MEGF6: variants seen among roughly 807,000 people sequenced by gnomAD.
The protein encoded by MEGF6 is multiple epidermal growth factor-like domains protein 6.
Under a neutral mutation model 207.1 loss-of-function variants are expected in MEGF6, and 184 were observed. The observed-to-expected ratio is 0.89, with a 90% CI of 0.79 to 1.00. MEGF6 has a LOEUF of 1.00. Ranked by LOEUF, MEGF6 falls within the 50% of genes least tolerant of loss-of-function variation. The pLI, the probability that MEGF6 is intolerant of heterozygous loss-of-function variation, is 0.00. For missense variants in MEGF6, 2,282 were observed against 2,202.9 expected, an observed-to-expected ratio of 1.04 and a Z score of -0.72; for synonymous variants, 1,038 against 910.0, an observed-to-expected ratio of 1.14 and a Z score of -2.53.
chr1:3,505,610 G>T (rs1641086261), intron 15 of MEGF6, 54 bp from the exon 16 acceptor site: 2 of 1,489,764 alleles, frequency 1.3e-6, no homozygotes, highest in Admixed American at 2.2e-5. Flanking sequence ...CACCCTCCCA[G>T]ACCGCTTCCA....
rs1640282360 is a variant in MEGF6, at chr1:3,489,877, CCACA to C, written c.*647_*650del. The C allele has an allele frequency of 6.6e-6, 1 of 152,334 alleles. No individual in the cohort carries two copies. The highest frequency in any genetic ancestry group is 6.5e-5 in the Admixed American group (1 of 15,284). The allele number at this position is 152,334 out of a possible 1,614,324, so 9.4% of individuals were successfully genotyped here. Reference sequence around the variant, plus strand: ...TGCTGGCCGGGCCCCAGGGAGGAGCCCACACAGAGTCCACGTAACACAGCAAACA... The same window carrying C: ...TGCTGGCCGGGCCCCAGGGAGGAGCCCAGAGTCCACGTAACACAGCAAACA... On this transcript the variant is annotated 3_prime_UTR_variant, in exon 37 of 37. Coordinates refer to ENST00000356575, the MANE Select transcript of MEGF6 (RefSeq NM_001409.4).
intron 4 of MEGF6, among the ~76,000 whole-genome samples, chr1:3,566,284 C>T (rs1643341403): frequency 1.3e-5 from 2 of 152,216 alleles, no homozygotes; most frequent in South Asian, 2.1e-4. Context: ...CGCAGCCCCT[C>T]GCTTGCAGAG....
intron 4 of MEGF6, among the ~76,000 whole-genome samples, chr1:3,552,339 G>C (rs952446517): frequency 9.2e-5 from 14 of 152,234 alleles, no homozygotes; most frequent in Admixed American, 9.2e-4. Context: ...GCTGCCTGGG[G>C]CTGCGCCTGA....
the MEGF6 span, among the ~76,000 whole-genome samples, chr1:3,616,592 G>A: frequency 0.018 from 2,741 of 151,882 alleles, 48 homozygotes; most frequent in South Asian, 0.05. Flanking sequence ...GGTGAGAGAC[G>A]GGGTGGGAGT....
intron 17 of MEGF6, among the ~76,000 whole-genome samples, chr1:3,502,219 GGGA>G (rs1640933569): frequency 6.6e-6 from 1 of 152,116 alleles, no homozygotes; most frequent in Non-Finnish European, 1.5e-5. Context: ...GCTGACGGAT[GGGA>G]GGAGAGGGGA....
chr1:3,557,217 G>C (rs1251231354), intron 4 of MEGF6, among the ~76,000 whole-genome samples: 3 of 152,250 alleles, frequency 2.0e-5, no homozygotes, highest in Non-Finnish European at 4.4e-5. Context: ...AGCCCAGGGA[G>C]ACCTGAGCTG....
intron 4 of MEGF6, among the ~76,000 whole-genome samples, chr1:3,577,661 C>A (rs911347475): frequency 6.6e-6 from 1 of 152,184 alleles, no homozygotes; most frequent in Admixed American, 6.5e-5. Flanking sequence ...GAGCCCCGGG[C>A]CCAGGCACCG....
At position 3,514,590 on chromosome 1, in the gene MEGF6, G is replaced by A. The variant is rs370151084; in HGVS notation, c.813C>T (p.His271=). ...VVRGLARCEC[H]VGYQLAADGK... is the part of the protein sequence containing the mutation. The stretch of plus-strand genomic sequence containing the variant: ...CGTCCGCTGCTAGCTGATAGCCCAC[G>A]TGGCACTCACAGCGGGCGAGGCCCC... The change falls in exon 7 of 37, where the codon CAC becomes CAT. Residue 271 remains histidine (H), a synonymous_variant. Coordinates refer to ENST00000356575, the MANE Select transcript of MEGF6 (RefSeq NM_001409.4). 1.5e-5 allele frequency: 24 copies of A among 1,587,594 alleles called. No homozygotes were observed. Among genetic ancestry groups the A allele is most frequent in the Middle Eastern group, 1.7e-4 (1 of 6,008 alleles).
chr1:3,591,923 C>G lies in MEGF6; in HGVS notation c.376+3415G>C, dbSNP rs75229272. Among the ~76,000 whole-genome samples the G allele has an allele frequency of 2.7e-5, 4 of 150,122 alleles. No individual in the cohort carries two copies. The East Asian group carries it at 7.9e-4, about 30-fold the overall frequency. On this transcript the variant is annotated intron_variant, in intron 3 of 36. Transcript: ENST00000356575. ...CTACCAAGGTCTCGTAGCTCACAAG[C>G]GACCTGGAGGGAACTGAGCCCAGTA...
At chr1:3,529,993 TCTC>T (rs1375798052) in intron 4 of MEGF6, among the ~76,000 whole-genome samples, 1 of 152,044 alleles carries the variant, frequency 6.6e-6, no homozygotes, top group Admixed American at 6.6e-5. Context: ...TATGGGCCCT[TCTC>T]CTCTCTCCCC....
At chr1:3,499,531 C>T (rs1021557839) in intron 23 of MEGF6, 57 bp downstream of exon 23, 58 of 1,540,518 alleles carry the variant, frequency 3.8e-5, no homozygotes, top group Non-Finnish European at 4.2e-5. Context: ...GAGTCTCCTA[C>T]GGAGGACCTG....
At chr1:3,589,763 C>G (rs1424804613) in intron 3 of MEGF6, among the ~76,000 whole-genome samples, 2 of 152,228 alleles carry the variant, frequency 1.3e-5, no homozygotes, top group Admixed American at 6.5e-5. Context: ...CGGCCCCGTT[C>G]AACACATTTT....
chr1:3,534,578 G>A (rs932306011), intron 4 of MEGF6, among the ~76,000 whole-genome samples: 5 of 152,186 alleles, frequency 3.3e-5, no homozygotes, highest in African/African-American at 7.2e-5. Context: ...GTCAACAAAC[G>A]TGGGAGTGGG....
the MEGF6 span, among the ~76,000 whole-genome samples, chr1:3,623,766 C>T: frequency 1.3e-5 from 2 of 152,244 alleles, no homozygotes; most frequent in African/African-American, 4.8e-5. Context: ...GGCAGAATCC[C>T]TGCACTCCAC....
chr1:3,490,713 T>G (rs1569910398), intron 36 of MEGF6, 124 bp from the exon 37 acceptor site: 1 of 944,660 alleles, frequency 1.1e-6, no homozygotes, highest in Non-Finnish European at 1.5e-6. Context: ...AGCAGGTGGG[T>G]GGGGCCCACC....
intron 4 of MEGF6, among the ~76,000 whole-genome samples, chr1:3,533,763 C>T (rs960808518): frequency 6.6e-6 from 1 of 152,210 alleles, no homozygotes; most frequent in African/African-American, 2.4e-5. Context: ...CAACAGAATC[C>T]CTGCACCTCC....
rs758737799 is a variant in MEGF6, at chr1:3,494,594, G to T, written c.4000+19C>A. On this transcript the variant is annotated intron_variant, in intron 31 of 36. Transcript: ENST00000356575. ...CTCCCTGAGGGGATGCTGGGGTCCC[G>T]CTGGCCCCGCACACTCACCCAGCTC... 1.9e-6 allele frequency: 3 copies of T among 1,559,168 alleles called. No homozygotes were observed. The highest frequency in any genetic ancestry group is 2.6e-6 in the Non-Finnish European group (3 of 1,155,086).
rs997339448 is a variant in MEGF6, at chr1:3,602,399, C to T, written c.266+67G>A. 4.4e-6 allele frequency: 7 copies of T among 1,606,518 alleles called. No individual in the cohort carries two copies. The South Asian group carries it at 7.8e-5, about 18-fold the overall frequency. ...GGGTCCTGGCCTCAGCTGCCCAGCT[C>T]CCGGGTGGTCAGTGCCGCCCTTTGT... On this transcript the variant is annotated intron_variant, in intron 2 of 36. Transcript: ENST00000356575.
the MEGF6 span, among the ~76,000 whole-genome samples, chr1:3,621,846 G>A: frequency 6.6e-6 from 1 of 152,358 alleles, no homozygotes; most frequent in East Asian, 1.9e-4. Context: ...TTTTGGAGCT[G>A]TAAGATATAA....
Sources: allele counts gnomAD v4.1 joint callset (sites outside exome capture counted in the v4.1 genomes callset), GRCh38; gene constraint gnomAD v4.1.1; transcripts MANE v1.5; gene names NCBI Gene and HGNC (gene_info 2026-07-23, HGNC 2026-07-21).